PRDM16: variants seen among roughly 807,000 people sequenced by gnomAD.
The protein encoded by PRDM16 is histone-lysine N-methyltransferase PRDM16.
A neutral mutation model predicts 110.6 loss-of-function variants in PRDM16; 23 were observed. That is an observed-to-expected ratio of 0.21 (90% CI 0.15 to 0.29). PRDM16 has a LOEUF of 0.29. Among genes scored for constraint, PRDM16 ranks in the 10% least tolerant of loss-of-function variants. PRDM16 has a pLI of 1.00. For missense variants in PRDM16, 1,615 were observed against 1,794.3 expected, an observed-to-expected ratio of 0.90 and a Z score of 1.81; for synonymous variants, 799 against 781.8, an observed-to-expected ratio of 1.02 and a Z score of -0.37.
intron 3 of PRDM16, among the ~76,000 whole-genome samples, chr1:3,336,288 A>G (rs1642144048): frequency 6.6e-6 from 1 of 152,084 alleles, no homozygotes; most frequent in Non-Finnish European, 1.5e-5. Context: ...ATCTCTGTGT[A>G]TGAGCACGTG....
rs1638620608 is a variant in PRDM16 at position 3,201,288 on chromosome 1, C to CA, written c.387+14815dup. Among the ~76,000 whole-genome samples, 1 of 62,338 alleles carries CA rather than the reference C, an allele frequency of 1.6e-5. No homozygotes were observed. The highest frequency in any genetic ancestry group is 3.3e-5 in the Non-Finnish European group (1 of 30,142). The allele number at this position is 62,338 out of a possible 152,430, so 40.9% of individuals were successfully genotyped here. A position where few individuals can be genotyped will look rare whatever the true frequency, so the allele number is the denominator to read the frequency against. ...CTCTTGCCTCTAAAATTCGCTTTGT[C>CA]ATGGGATTTAAAATTACTTCAATTG... On this transcript the variant is annotated intron_variant, in intron 2 of 16. Coordinates refer to ENST00000270722, the MANE Select transcript of PRDM16 (RefSeq NM_022114.4). This position sits in a 1 kb window ranked among gnomAD's most constrained non-coding sequence, Gnocchi z 4.1.
intron 3 of PRDM16, among the ~76,000 whole-genome samples, chr1:3,277,757 GCA>G (rs199737986): frequency 0.033 from 4,109 of 123,984 alleles, 175 homozygotes; most frequent in African/African-American, 0.1. Context: ...GCACACACAT[GCA>G]CACACGCGCA....
chr1:3,418,277 A>T (rs765868206), intron 11 of PRDM16, among the ~76,000 whole-genome samples: 1 of 152,164 alleles, frequency 6.6e-6, no homozygotes, highest in Non-Finnish European at 1.5e-5. Flanking sequence ...CTGGTCAGTG[A>T]CTAACCTCAG....
intron 2 of PRDM16, among the ~76,000 whole-genome samples, chr1:3,219,499 C>G (rs1054000538): frequency 5.9e-5 from 9 of 152,142 alleles, no homozygotes; most frequent in African/African-American, 2.2e-4. Context: ...GGGAGGAGAG[C>G]GCAGGGGGCT....
rs541306513 is a variant in PRDM16, at chr1:3,426,163, G to C, written c.3222G>C (p.Ser1074=). The change falls in exon 14 of 17, where the codon TCG becomes TCC. Residue 1074 remains serine (S), a synonymous_variant. Coordinates refer to ENST00000270722, the MANE Select transcript of PRDM16 (RefSeq NM_022114.4). ...LLDEKEDSYF[S]EIRNFIANSE... is the part of the protein sequence containing the mutation. ...ACGAGAAAGAAGACTCTTATTTCTC[G>C]GAAATCAGAAACTTTATTGCCAATA... The C allele has an allele frequency of 3.1e-6, 5 of 1,613,754 alleles. No individual in the cohort carries two copies. In the African/African-American group the frequency reaches 6.7e-5, roughly 22 times the overall value.
intron 4 of PRDM16, among the ~76,000 whole-genome samples, chr1:3,391,901 T>C (rs1318809341): frequency 5.9e-5 from 9 of 152,178 alleles, no homozygotes; most frequent in Admixed American, 5.9e-4. Context: ...CAAATCGGGG[T>C]GCTGCCCCTG....
At chr1:3,082,200 C>T (rs1471405116) in intron 1 of PRDM16, among the ~76,000 whole-genome samples, 1 of 152,194 alleles carries the variant, frequency 6.6e-6, no homozygotes, top group Non-Finnish European at 1.5e-5. Context: ...GTGGGAGGCC[C>T]CCGCGGCCAG....
At chr1:3,409,184 C>A (rs1004913588) in intron 8 of PRDM16, among the ~76,000 whole-genome samples, 1 of 143,536 alleles carries the variant, frequency 7.0e-6, no homozygotes, top group African/African-American at 2.6e-5. Context: ...TGAGTTGGTG[C>A]GTGTGTGTGT....
intron 1 of PRDM16, among the ~76,000 whole-genome samples, chr1:3,111,605 G>A (rs957394589): frequency 2.3e-4 from 35 of 152,022 alleles, no homozygotes; most frequent in Non-Finnish European, 3.2e-4. Context: ...AGCAAGGTTG[G>A]GGGAGCCCAG....
intron 1 of PRDM16, among the ~76,000 whole-genome samples, chr1:3,146,167 A>T (rs1643647365): frequency 6.6e-6 from 1 of 152,194 alleles, no homozygotes; most frequent in Non-Finnish European, 1.5e-5. Flanking sequence ...CATTTGGGAT[A>T]TTCTGCCGCC....
intron 3 of PRDM16, among the ~76,000 whole-genome samples, chr1:3,276,828 C>T (rs1262731730): frequency 3.3e-5 from 5 of 150,622 alleles, no homozygotes; most frequent in South Asian, 2.1e-4. Flanking sequence ...TGGGCCGCCT[C>T]GGCCTGGACC....
At position 3,113,290 on chromosome 1, in the gene PRDM16, G is replaced by A. The variant is rs568651414; in HGVS notation, c.37+43994G>A. On this transcript the variant is annotated intron_variant, in intron 1 of 16. Coordinates refer to ENST00000270722, the MANE Select transcript of PRDM16 (RefSeq NM_022114.4). ...GCATCAGGTGCAGGGGAGTGGGAGGGGAAGCAGGACAGGGGCCCGGAGGAG... is the reference window on the plus strand; with the variant it reads ...GCATCAGGTGCAGGGGAGTGGGAGGAGAAGCAGGACAGGGGCCCGGAGGAG... Among the ~76,000 whole-genome samples, 25 of 152,356 alleles carry A rather than the reference G, an allele frequency of 1.6e-4. No homozygotes were observed. The South Asian group carries it at 5.2e-3, about 32-fold the overall frequency.
intron 8 of PRDM16, among the ~76,000 whole-genome samples, chr1:3,409,784 TGTG>T (rs752000261): frequency 9.3e-4 from 124 of 133,598 alleles, no homozygotes; most frequent in Non-Finnish European, 1.6e-3. Context: ...TGTGTGGGTG[TGTG>T]GTGTGGGTGT....
chr1:3,235,889 C>T (rs1413836689), intron 2 of PRDM16, among the ~76,000 whole-genome samples: 1 of 152,176 alleles, frequency 6.6e-6, no homozygotes, highest in East Asian at 1.9e-4. Flanking sequence ...AGCAGCCCAT[C>T]GAGCATGGCG....
chr1:3,181,712 A>C (rs1644200646), intron 1 of PRDM16, among the ~76,000 whole-genome samples: 1 of 128,744 alleles, frequency 7.8e-6, no homozygotes, highest in Non-Finnish European at 1.7e-5. Context: ...ACGGTCTTAC[A>C]CACGCAGTCT....
chr1:3,331,259 G>T (rs898092698), intron 3 of PRDM16, among the ~76,000 whole-genome samples: 5 of 146,138 alleles, frequency 3.4e-5, no homozygotes, highest in East Asian at 2.0e-4. Flanking sequence ...CTGCCAGCCT[G>T]GGGGGGGCGC....
In PRDM16 at chr1:3,283,510, T is replaced by C. The variant is rs182214100; in HGVS notation, c.438+39373T>C. ...ACAGCCTCTGCCCCACACTGCGCGG[T>C]GCCCCTAGGTCCACAGCAGAGACAG... is the stretch of plus-strand genomic sequence containing the variant. On this transcript the variant is annotated intron_variant, in intron 3 of 16. Coordinates refer to ENST00000270722, the MANE Select transcript of PRDM16 (RefSeq NM_022114.4). Among the ~76,000 whole-genome samples, 197 of 152,200 alleles carry C rather than the reference T, an allele frequency of 1.3e-3. No homozygotes were observed. The East Asian group carries it at 0.031, about 24-fold the overall frequency.
chr1:3,076,057 G>C (rs929403729), intron 1 of PRDM16, among the ~76,000 whole-genome samples: 1 of 152,166 alleles, frequency 6.6e-6, no homozygotes, highest in African/African-American at 2.4e-5. Flanking sequence ...TGCCCACCTC[G>C]AGGCCCTGCT....
At chr1:3,273,998 A>AAAAAT (rs1640526738) in intron 3 of PRDM16, among the ~76,000 whole-genome samples, 6 of 151,082 alleles carry the variant, frequency 4.0e-5, no homozygotes, top group African/African-American at 1.5e-4. Context: ...AAAAAAAAAA[A>AAAAAT]AGCCACTGAA....
Sources: allele counts gnomAD v4.1 joint callset (sites outside exome capture counted in the v4.1 genomes callset), GRCh38; gene constraint gnomAD v4.1.1; non-coding constraint Gnocchi (gnomAD v3.1); transcripts MANE v1.5; gene names NCBI Gene and HGNC (gene_info 2026-07-23, HGNC 2026-07-21).